The following ITCH variants were observed in gnomAD, a reference collection of about 807,000 sequenced individuals.
The protein encoded by ITCH is E3 ubiquitin-protein ligase Itchy homolog.
Under a neutral mutation model 126.8 loss-of-function variants are expected in ITCH, and 28 were observed. The observed-to-expected ratio is 0.22, with a 90% confidence interval of 0.16 to 0.30. The LOEUF is 0.30. Among genes scored for constraint, ITCH ranks in the 10% least tolerant of loss-of-function variants. The pLI, the probability that ITCH is intolerant of heterozygous loss-of-function variation, is 1.00. For synonymous variants in ITCH, 342 were observed against 340.0 expected (o/e 1.01, Z -0.06); for missense variants, 631 against 1,032.4 (o/e 0.61, Z 5.33).
At chr20:34,474,281 C>T (rs1418604970) in intron 16 of ITCH, among the ~76,000 whole-genome samples, 24 of 152,000 alleles carry the variant, frequency 1.6e-4, no homozygotes, top group Admixed American at 3.9e-4. Flanking sequence ...AACAAAGGTC[C>T]CTAGTTCTCC....
intron 4 of ITCH, 109 bp downstream of exon 4, chr20:34,408,901 TTCTC>T: frequency 8.9e-7 from 1 of 1,127,416 alleles, no homozygotes; most frequent in Non-Finnish European, 1.3e-6. Context: ...TGTTCCTCCT[TTCTC>T]TCTTCTTTTT....
intron 20 of ITCH, among the ~76,000 whole-genome samples, chr20:34,483,505 A>G (rs928839831): frequency 1.3e-5 from 2 of 152,170 alleles, no homozygotes; most frequent in African/African-American, 4.8e-5. Context: ...CACAGGGGCA[A>G]AATGCTGCCA....
At chr20:34,389,868 C>T (rs1315351537) in intron 2 of ITCH, among the ~76,000 whole-genome samples, 1 of 150,200 alleles carries the variant, frequency 6.7e-6, no homozygotes, top group Non-Finnish European at 1.5e-5. Flanking sequence ...TTGGTCAGGG[C>T]CAGGCACTTT....
intron 23 of ITCH, among the ~76,000 whole-genome samples, chr20:34,493,669 A>C (rs1043747544): frequency 6.6e-6 from 1 of 152,210 alleles, no homozygotes; most frequent in Non-Finnish European, 1.5e-5. Flanking sequence ...AAGAGTATGC[A>C]TCGTTGTAGA....
chr20:34,372,443 C>T (rs553893784), intron 2 of ITCH, among the ~76,000 whole-genome samples: 9 of 123,732 alleles, frequency 7.3e-5, no homozygotes, highest in Non-Finnish European at 1.4e-4. Flanking sequence ...TGCAGTGGCG[C>T]AATCTCAGCT....
At chr20:34,397,611 G>T (rs1451082494) in intron 3 of ITCH, among the ~76,000 whole-genome samples, 1 of 152,138 alleles carries the variant, frequency 6.6e-6, no homozygotes, top group Non-Finnish European at 1.5e-5. Context: ...CTGTCTTAAG[G>T]TAACCACATC....
intron 13 of ITCH, 116 bp from the exon 14 acceptor site, chr20:34,461,977 A>C: frequency 1.0e-6 from 1 of 1,002,504 alleles, no homozygotes; most frequent in East Asian, 2.4e-5. Context: ...TGAATTACTG[A>C]ACTGAATGGT....
intron 12 of ITCH, among the ~76,000 whole-genome samples, chr20:34,453,841 A>G (rs2146338095): frequency 6.6e-6 from 1 of 151,898 alleles, no homozygotes; most frequent in South Asian, 2.1e-4. Context: ...AAAAAATACA[A>G]AAATTAGCTG....
At chr20:34,424,275 A>T (rs939844050) in intron 6 of ITCH, among the ~76,000 whole-genome samples, 2 of 152,168 alleles carry the variant, frequency 1.3e-5, no homozygotes, top group African/African-American at 4.8e-5. Flanking sequence ...ATTATTAAGC[A>T]TTTGCACAAA....
chr20:34,394,264 C>T (rs970734479), intron 3 of ITCH, among the ~76,000 whole-genome samples: 2 of 145,698 alleles, frequency 1.4e-5, no homozygotes, highest in African/African-American at 2.5e-5. Flanking sequence ...ATGGCTGTTA[C>T]ATGTCAGGTG....
chr20:34,476,156 C>T (rs982789203), intron 16 of ITCH: 12 of 809,426 alleles, frequency 1.5e-5, no homozygotes, highest in South Asian at 1.5e-4. Context: ...AGAGTTCCCT[C>T]ACATGCACCA....
chr20:34,475,784 T>A (rs1317189619), intron 16 of ITCH: 1 of 626,936 alleles, frequency 1.6e-6, no homozygotes, highest in African/African-American at 1.8e-5. Flanking sequence ...ATGACAAAAT[T>A]TAGTAGTTAT....
intron 7 of ITCH, among the ~76,000 whole-genome samples, chr20:34,425,988 C>G (rs1302367376): frequency 6.6e-6 from 1 of 152,230 alleles, no homozygotes; most frequent in Non-Finnish European, 1.5e-5. Flanking sequence ...GGCAGGCCCC[C>G]TTCATCTAAA....
intron 2 of ITCH, among the ~76,000 whole-genome samples, chr20:34,390,185 G>A (rs1001993467): frequency 6.6e-6 from 1 of 151,772 alleles, no homozygotes; most frequent in East Asian, 1.9e-4. Flanking sequence ...ACTCTTGCAT[G>A]CAACAGGCAG....
chr20:34,395,472 A>G (rs995912058), intron 3 of ITCH, among the ~76,000 whole-genome samples: 24 of 152,212 alleles, frequency 1.6e-4, no homozygotes, highest in Non-Finnish European at 2.9e-4. Context: ...TCAGCAAGTC[A>G]AAGCACCATA....
At chr20:34,470,492 A>G (rs955838036) in intron 15 of ITCH, among the ~76,000 whole-genome samples, 1 of 151,882 alleles carries the variant, frequency 6.6e-6, no homozygotes, top group Admixed American at 6.6e-5. Context: ...ATAAGCAAAC[A>G]TTGTCACTTT....
intron 6 of ITCH, among the ~76,000 whole-genome samples, chr20:34,417,400 C>CTTTT (rs1285064114): frequency 1.7e-5 from 2 of 115,054 alleles, no homozygotes; most frequent in Non-Finnish European, 3.6e-5. Context: ...GCCCGGCTGA[C>CTTTT]TTTTTTTTTT....
chr20:34,440,281 C>G lies in ITCH; in HGVS notation c.806C>G (p.Thr269Ser). ...GATSGLIIPLTISGGSGPRPL... is the reference protein window; with the variant it reads ...GATSGLIIPLSISGGSGPRPL... The stretch of plus-strand genomic sequence containing the variant: ...ACATCTGGATTAATAATTCCTCTTA[C>G]TATATCTGGAGGCTCAGGCCCTAGG... The change falls in exon 9 of 25, where the codon ACT becomes AGT. Residue 269 changes from threonine to serine, a missense_variant. This residue lies in a region of ITCH where 390 missense variants were observed against 731.6 expected (regional missense o/e 0.53). Coordinates refer to ENST00000374864, the MANE Select transcript of ITCH (RefSeq NM_031483.7). 6.2e-7 allele frequency: 1 copy of G among 1,614,104 alleles called. No homozygotes were observed. The highest frequency in any genetic ancestry group is 1.1e-5 in the South Asian group (1 of 91,086).
chr20:34,407,295 C>T (rs533337441), intron 3 of ITCH, among the ~76,000 whole-genome samples: 33 of 152,164 alleles, frequency 2.2e-4, no homozygotes, highest in African/African-American at 8.0e-4. Flanking sequence ...GATACGTAGG[C>T]TCACTCTGTC....
Sources: allele counts gnomAD v4.1 joint callset (sites outside exome capture counted in the v4.1 genomes callset), GRCh38; gene constraint gnomAD v4.1.1; regional missense constraint gnomAD v4.1.1; transcripts MANE v1.5; gene names NCBI Gene and HGNC (gene_info 2026-07-23, HGNC 2026-07-21).